NGDN: variants seen among roughly 807,000 people sequenced by gnomAD.
The protein encoded by NGDN is EIF4E-binding protein.
NGDN carries 41 observed loss-of-function variants against 45.2 expected under a neutral mutation model. The ratio of observed to expected loss-of-function variants is 0.91; its 90% CI spans 0.71 to 1.18. The LOEUF (loss-of-function observed/expected upper bound fraction) is 1.18, where lower values mean the gene tolerates loss of function less well. Ranked by LOEUF, NGDN falls within the 50% of genes most tolerant of loss-of-function variation. The pLI is 0.00. For synonymous variants in NGDN, 137 were observed against 130.9 expected, an observed-to-expected ratio of 1.05 and a Z score of -0.32; for missense variants, 402 against 399.9, an observed-to-expected ratio of 1.01 and a Z score of -0.05.
Position 23,475,306 on chromosome 14 carries a change from A to G in NGDN, c.280A>G (p.Thr94Ala). 1 of 1,611,864 alleles carries G rather than the reference A, an allele frequency of 6.2e-7. No homozygotes were observed. The highest frequency in any genetic ancestry group is 8.5e-7 in the Non-Finnish European group (1 of 1,179,214). The change falls in exon 4 of 11, where the codon ACG becomes GCG. Residue 94 changes from threonine to alanine, a missense_variant and splice_region_variant. Coordinates refer to ENST00000408901, the MANE Select transcript of NGDN (RefSeq NM_001042635.2). Reference protein sequence around the residue: ...DAVLRLVEIRTVLEKLRPLDQ... With the variant: ...DAVLRLVEIRAVLEKLRPLDQ... Reference sequence around the variant, plus strand: ...AGTTTTGAGACTGGTGGAGATTCGCACGGTATGAAGCATTTGGCTTCTTGG... The same window carrying G: ...AGTTTTGAGACTGGTGGAGATTCGCGCGGTATGAAGCATTTGGCTTCTTGG...
rs138469002 is a variant in NGDN, at chr14:23,473,294, A to G, written c.145-1877A>G. Among the ~76,000 whole-genome samples, 742 of 152,218 alleles carry G rather than the reference A, an allele frequency of 4.9e-3. 3 individuals carry two copies. Among genetic ancestry groups the G allele is most frequent in the Admixed American group, 0.012 (183 of 15,286 alleles). On this transcript the variant is annotated intron_variant, in intron 3 of 10. Transcript: ENST00000408901. Reference sequence around the variant, plus strand: ...GATTACAGGTGTGAGCCACCACACCAGGCCTTGGGTACCATGCCTTGAACC... The same window carrying G: ...GATTACAGGTGTGAGCCACCACACCGGGCCTTGGGTACCATGCCTTGAACC...
In NGDN at chr14:23,475,563, G is replaced by C. The variant is rs1469908046; in HGVS notation, c.288G>C (p.Leu96Phe). 3 of 1,613,652 alleles carry C rather than the reference G, an allele frequency of 1.9e-6. No homozygotes were observed. Among genetic ancestry groups the C allele is most frequent in the Non-Finnish European group, 2.5e-6 (3 of 1,179,908 alleles). ...GATTAACTACCATGTTGTAGGTTTT[G>C]GAAAAGCTTCGTCCCTTGGACCAAA... is the stretch of plus-strand genomic sequence containing the variant. ...VLRLVEIRTV[L>F]EKLRPLDQKL... The change falls in exon 5 of 11, where the codon TTG becomes TTC. Residue 96 changes from leucine (L) to phenylalanine (F), a missense_variant. Coordinates refer to ENST00000408901, the MANE Select transcript of NGDN (RefSeq NM_001042635.2).
chr14:23,469,960 A>G (rs1413613488), intron 1 of NGDN, 82 bp from the exon 2 acceptor site: 2 of 1,441,426 alleles, frequency 1.4e-6, no homozygotes, highest in African/African-American at 2.8e-5. Flanking sequence ...GAGAGAGGGC[A>G]GTTTCCCACC....
rs761834844 is a variant in NGDN at position 23,478,081 on chromosome 14, A to G, written c.*55A>G. On this transcript the variant is annotated 3_prime_UTR_variant, in exon 11 of 11. Coordinates refer to ENST00000408901, the MANE Select transcript of NGDN (RefSeq NM_001042635.2). ...GTCATCCTGAGATACTTCTAATTTC[A>G]TTGTATATAGGTGGTTTTCCCTGGA... 1.3e-6 allele frequency: 2 copies of G among 1,523,030 alleles called. No homozygotes were observed. The highest frequency in any genetic ancestry group is 1.7e-5 in the Admixed American group (1 of 59,826). The allele number at this position is 1,523,030 out of a possible 1,614,324, so 94.3% of individuals were successfully genotyped here.
intron 3 of NGDN, among the ~76,000 whole-genome samples, chr14:23,473,537 C>T (rs970570599): frequency 7.9e-5 from 12 of 152,004 alleles, no homozygotes; most frequent in Non-Finnish European, 1.6e-4. Context: ...ACTGATAAGA[C>T]TGAGGTTGGC....
Position 23,476,423 on chromosome 14 carries a change from T to G in NGDN, c.713+16T>G. 6.3e-7 allele frequency: 1 copy of G among 1,597,674 alleles called. No individual in the cohort carries two copies. The highest frequency in any genetic ancestry group is 8.5e-7 in the Non-Finnish European group (1 of 1,170,676). ...ACCAACACAGGTCTGAGCCCTTGCA[T>G]TAGAAATTATTCCTGCACTCTAGAG... On this transcript the variant is annotated intron_variant, in intron 8 of 10. Transcript: ENST00000408901.
At position 23,477,307 on chromosome 14, in the gene NGDN, A is replaced by G. The variant is rs1893926057; in HGVS notation, c.821A>G (p.His274Arg). 15 of 1,614,052 alleles carry G rather than the reference A, an allele frequency of 9.3e-6. No individual in the cohort carries two copies. The highest frequency in any genetic ancestry group is 2.7e-5 in the African/African-American group (2 of 74,916). Residue 274 changes from histidine (H) to arginine (R), a missense_variant, in exon 9 of 11, where the codon CAC becomes CGC. By Grantham distance (29) the His-to-Arg change is conservative (BLOSUM62 0). Transcript: ENST00000408901. ...VMSSQLHSLT[H>R]FSDISALTGG... ...AGCTCACAACTTCATTCCCTTACAC[A>G]CTTCAGTGACATCAGTGCTTTGACA...
chr14:23,476,236 T>C lies in NGDN; in HGVS notation c.545-3T>C. 6.2e-7 allele frequency: 1 copy of C among 1,613,956 alleles called. No individual in the cohort carries two copies. The highest frequency in any genetic ancestry group is 8.5e-7 in the Non-Finnish European group (1 of 1,179,830). ...GATAACCCTGCTTATTTTCATCATG[T>C]AGATGAAACAGAAGCTGAGCGGGAG... On this transcript the variant is annotated splice_region_variant and splice_polypyrimidine_tract_variant and intron_variant, in intron 7 of 10. Coordinates refer to ENST00000408901, the MANE Select transcript of NGDN (RefSeq NM_001042635.2).
chr14:23,472,037 T>G (rs1032924339), intron 3 of NGDN, among the ~76,000 whole-genome samples: 1 of 150,440 alleles, frequency 6.6e-6, no homozygotes, highest in African/African-American at 2.4e-5. Context: ...AAAAAAAAAT[T>G]AGCTGGGCGC....
chr14:23,470,251 C>G (rs1278441924), intron 2 of NGDN, 150 bp downstream of exon 2: 1 of 628,062 alleles, frequency 1.6e-6, no homozygotes, highest in Non-Finnish European at 2.8e-6. Context: ...CGCCAGAATT[C>G]TAAGTAATTG....
chr14:23,477,066 A>T, intron 8 of NGDN, 134 bp from the exon 9 acceptor site: 1 of 729,930 alleles, frequency 1.4e-6, no homozygotes, highest in Non-Finnish European at 2.3e-6. Context: ...CTTACTAAAT[A>T]CTATGTTGAT....
At chr14:23,470,878 T>C (rs1302685637) in intron 2 of NGDN, 28 bp from the exon 3 acceptor site, 2 of 1,441,440 alleles carry the variant, frequency 1.4e-6, no homozygotes, top group Non-Finnish European at 1.8e-6. Context: ...TATAATCTAA[T>C]CACTTGTTTT....
intron 2 of NGDN, chr14:23,470,417 A>T (rs1236789908): frequency 6.9e-6 from 2 of 289,596 alleles, no homozygotes; most frequent in Non-Finnish European, 1.3e-5. Flanking sequence ...ATGCTTCTCG[A>T]CTTAACGATG....
Position 23,475,656 on chromosome 14 carries a change from C to G in NGDN, c.367+14C>G, listed in dbSNP as rs539921637. ...CAGGCAGCCTTAGTAAGTGAGGAGA[C>G]CATCATGAAGTTGTGGGGACCATCA... On this transcript the variant is annotated intron_variant, in intron 5 of 10. Transcript: ENST00000408901. The G allele has an allele frequency of 2.5e-6, 4 of 1,613,628 alleles. No individual in the cohort carries two copies. The South Asian group carries it at 4.4e-5, about 18-fold the overall frequency.
At chr14:23,475,976 C>T in intron 6 of NGDN, 53 bp from the exon 7 acceptor site, 3 of 1,610,970 alleles carry the variant, frequency 1.9e-6, no homozygotes, top group Non-Finnish European at 2.5e-6. Context: ...GGGTTTTCTT[C>T]TCACTTATCT....
intron 10 of NGDN, 177 bp from the exon 11 acceptor site, chr14:23,477,830 A>G: frequency 4.7e-6 from 7 of 1,474,772 alleles, no homozygotes; most frequent in Non-Finnish European, 6.3e-6. Context: ...ACTTGAAGGA[A>G]CCATTATCCC....
At chr14:23,477,705 T>C in intron 10 of NGDN, 145 bp downstream of exon 10, 1 of 1,473,968 alleles carries the variant, frequency 6.8e-7, no homozygotes, top group Middle Eastern at 1.8e-4. Flanking sequence ...GGGCTTTTAT[T>C]TTTTGCTTTC....
chr14:23,470,858 C>T, intron 2 of NGDN, 48 bp from the exon 3 acceptor site: 1 of 1,420,766 alleles, frequency 7.0e-7, no homozygotes. Context: ...AGTTTGCAGA[C>T]ATAATTTGAT....
At chr14:23,476,712 C>T (rs1372800167) in intron 8 of NGDN, among the ~76,000 whole-genome samples, 3 of 152,152 alleles carry the variant, frequency 2.0e-5, no homozygotes, top group African/African-American at 7.2e-5. Context: ...CTTTAAGATT[C>T]TGTGTTTCAC....
Sources: allele counts gnomAD v4.1 joint callset (sites outside exome capture counted in the v4.1 genomes callset), GRCh38; gene constraint gnomAD v4.1.1; transcripts MANE v1.5; gene names NCBI Gene and HGNC (gene_info 2026-07-23, HGNC 2026-07-21).